The following CPNE8 variants were observed in gnomAD, a reference collection of about 807,000 sequenced individuals.
CPNE8 encodes copine 8.
In CPNE8, 45 loss-of-function variants were observed where a neutral mutation model predicts 81.5. The observed-to-expected ratio is 0.55, with a 90% CI of 0.44 to 0.71. The LOEUF is 0.71. Ranked by LOEUF, CPNE8 falls within the 30% of genes least tolerant of loss-of-function variation. The probability of loss-of-function intolerance (pLI) is 0.00; values close to 1 mark genes in which losing one functional copy is unlikely to be tolerated. For synonymous variants in CPNE8, 252 were observed against 226.3 expected (o/e 1.11, Z -1.02); for missense variants, 594 against 672.1 (o/e 0.88, Z 1.28).
chr12:38,667,968 T>G (rs143969321), intron 19 of CPNE8, among the ~76,000 whole-genome samples: 1 of 152,220 alleles, frequency 6.6e-6, no homozygotes, highest in East Asian at 1.9e-4. Context: ...CTGGTAATTT[T>G]TTGTATTTTT....
intron 6 of CPNE8, among the ~76,000 whole-genome samples, chr12:38,827,957 C>T (rs1182014807): frequency 1.3e-5 from 2 of 152,042 alleles, no homozygotes; most frequent in Non-Finnish European, 2.9e-5. Flanking sequence ...TGCACAAGTA[C>T]CTCTGAACCT....
chr12:38,816,436 T>A (rs1243437767), intron 6 of CPNE8, among the ~76,000 whole-genome samples: 1 of 152,156 alleles, frequency 6.6e-6, no homozygotes, highest in Non-Finnish European at 1.5e-5. Flanking sequence ...TTTGTTCAGG[T>A]TCTTTGATCC....
chr12:38,722,977 C>T (rs944002836), intron 13 of CPNE8, among the ~76,000 whole-genome samples: 1 of 152,140 alleles, frequency 6.6e-6, no homozygotes, highest in African/African-American at 2.4e-5. Flanking sequence ...ATGTAAGACA[C>T]GCCTTGCTTC....
At chr12:38,748,451 G>C (rs907601971) in intron 10 of CPNE8, among the ~76,000 whole-genome samples, 11 of 152,070 alleles carry the variant, frequency 7.2e-5, no homozygotes, top group Admixed American at 7.2e-4. Context: ...TATTACCTTA[G>C]AATAGATTCT....
intron 3 of CPNE8, among the ~76,000 whole-genome samples, chr12:38,858,145 T>G (rs1261030538): frequency 6.6e-6 from 1 of 152,220 alleles, no homozygotes; most frequent in African/African-American, 2.4e-5. Context: ...GTCTCCCAGT[T>G]TCTGTGGGAA....
At chr12:38,864,329 T>C (rs1291064504) in intron 3 of CPNE8, among the ~76,000 whole-genome samples, 3 of 152,288 alleles carry the variant, frequency 2.0e-5, no homozygotes, top group African/African-American at 7.2e-5. Flanking sequence ...TTACTATCGA[T>C]GGCTGCTTTC....
At chr12:38,815,025 C>T (rs1943001587) in intron 6 of CPNE8, among the ~76,000 whole-genome samples, 1 of 152,164 alleles carries the variant, frequency 6.6e-6, no homozygotes, top group African/African-American at 2.4e-5. Flanking sequence ...TTTATTGTCA[C>T]ATCTTCAATA....
intron 14 of CPNE8, among the ~76,000 whole-genome samples, chr12:38,700,242 T>TC (rs1338543331): frequency 1.3e-5 from 2 of 149,144 alleles, no homozygotes; most frequent in Non-Finnish European, 3.0e-5. Flanking sequence ...TCCCCTTCTT[T>TC]TTTTTTTTTT....
intron 4 of CPNE8, among the ~76,000 whole-genome samples, chr12:38,846,681 A>G (rs1184773859): frequency 6.6e-6 from 1 of 152,098 alleles, no homozygotes; most frequent in African/African-American, 2.4e-5. Context: ...CTTTCACACC[A>G]AGTTGATTTC....
Position 38,885,699 on chromosome 12 carries a change from A to G in CPNE8, c.99-11188T>C, listed in dbSNP as rs142411133. Among the ~76,000 whole-genome samples, 125 of 152,002 alleles carry G rather than the reference A, an allele frequency of 8.2e-4. No individual in the cohort carries two copies. In the East Asian group the frequency reaches 0.017, roughly 20 times the overall value. ...CATGGTGGGAAACATAGATGCTGAT[A>G]TTGTTTGGCTCTATGTCCCCACCCA... On this transcript the variant is annotated intron_variant, in intron 1 of 19. Transcript: ENST00000331366.
At chr12:38,656,431 AGGG>A (rs1938819767) in intron 19 of CPNE8, among the ~76,000 whole-genome samples, 1 of 151,860 alleles carries the variant, frequency 6.6e-6, no homozygotes, top group Non-Finnish European at 1.5e-5. Flanking sequence ...CTCTATGGAA[AGGG>A]GAGATCTCCC....
At chr12:38,802,904 T>C (rs1008721292) in intron 6 of CPNE8, among the ~76,000 whole-genome samples, 3 of 149,430 alleles carry the variant, frequency 2.0e-5, no homozygotes, top group African/African-American at 7.5e-5. Flanking sequence ...CTAGAAAATC[T>C]AGAAGAAATA....
In CPNE8 at chr12:38,762,230, G is replaced by C. The variant is rs1382402249; in HGVS notation, c.576-14C>G. On this transcript the variant is annotated splice_polypyrimidine_tract_variant and intron_variant, in intron 8 of 19. Coordinates refer to ENST00000331366, the MANE Select transcript of CPNE8 (RefSeq NM_153634.3). ...CAAATTGTAAAACTATAAAGAAAGA[G>C]TTTTCAGTTATTTGCATGCTTTGAC... 5.5e-6 allele frequency: 8 copies of C among 1,442,652 alleles called. No homozygotes were observed. The highest frequency in any genetic ancestry group is 7.7e-6 in the Non-Finnish European group (8 of 1,042,226). The allele number at this position is 1,442,652 out of a possible 1,614,324, so 89.4% of individuals were successfully genotyped here. A position where few individuals can be genotyped will look rare whatever the true frequency, so the allele number is the denominator to read the frequency against.
At chr12:38,855,592 G>C (rs1194335888) in intron 3 of CPNE8, among the ~76,000 whole-genome samples, 1 of 152,096 alleles carries the variant, frequency 6.6e-6, no homozygotes. Context: ...GTGGAAAGGA[G>C]AGATGTTGAT....
rs192734350 is a variant in CPNE8 at position 38,702,535 on chromosome 12, T to C, written c.961+340A>G. On this transcript the variant is annotated intron_variant, in intron 14 of 19. Transcript: ENST00000331366. ...TTAATACACTTCAGAATTATAGTTATAGATGGAAAAGAACAGAGGGTAGGA... is the reference window on the plus strand; with the variant it reads ...TTAATACACTTCAGAATTATAGTTACAGATGGAAAAGAACAGAGGGTAGGA... Among the ~76,000 whole-genome samples, 454 of 152,210 alleles carry C rather than the reference T, an allele frequency of 3.0e-3. 4 individuals carry two copies. The highest frequency in any genetic ancestry group is 9.7e-3 in the African/African-American group (405 of 41,568).
In CPNE8 at chr12:38,652,603, C is replaced by G. The variant is rs553546134; in HGVS notation, c.*1279G>C. On this transcript the variant is annotated 3_prime_UTR_variant, in exon 20 of 20. Transcript: ENST00000331366. ...ATAAAGCAGTTACATTTTTGACACA[C>G]ACACACACACAAATAAATACACTTT... 2 of 152,624 alleles carry G rather than the reference C, an allele frequency of 1.3e-5. No homozygotes were observed. The highest frequency in any genetic ancestry group is 1.9e-4 in the East Asian group (1 of 5,184). 9.5% of individuals were successfully genotyped at this position (152,624 alleles called of 1,614,324 possible). A position where few individuals can be genotyped will look rare whatever the true frequency, so the allele number is the denominator to read the frequency against.
chr12:38,765,398 T>C (rs1176886709), intron 8 of CPNE8, among the ~76,000 whole-genome samples: 1 of 152,282 alleles, frequency 6.6e-6, no homozygotes, highest in East Asian at 1.9e-4. Flanking sequence ...CAATCATATA[T>C]AAATATCACG....
chr12:38,691,823 G>C (rs1939681539), intron 15 of CPNE8, among the ~76,000 whole-genome samples: 1 of 152,196 alleles, frequency 6.6e-6, no homozygotes, highest in African/African-American at 2.4e-5. Flanking sequence ...AGGGCGAGCT[G>C]AGTAAGGCCT....
intron 15 of CPNE8, among the ~76,000 whole-genome samples, chr12:38,691,314 T>C (rs1182149206): frequency 6.6e-6 from 1 of 152,154 alleles, no homozygotes; most frequent in Non-Finnish European, 1.5e-5. Context: ...TTCTCACCGT[T>C]GGTAATGAGA....
Sources: allele counts gnomAD v4.1 joint callset (sites outside exome capture counted in the v4.1 genomes callset), GRCh38; gene constraint gnomAD v4.1.1; transcripts MANE v1.5; gene names NCBI Gene and HGNC (gene_info 2026-07-23, HGNC 2026-07-21).